VPS45: variants seen among roughly 807,000 people sequenced by gnomAD.
The protein encoded by VPS45 is vacuolar protein sorting-associated protein 45.
Under a neutral mutation model 75.9 loss-of-function variants are expected in VPS45, and 35 were observed. That is an observed-to-expected ratio of 0.46 (90% confidence interval 0.35 to 0.61). The LOEUF (loss-of-function observed/expected upper bound fraction) is 0.61. Ranked by LOEUF, VPS45 falls within the 20% of genes least tolerant of loss-of-function variation. VPS45 has a pLI of 0.00. For missense variants in VPS45, 559 were observed against 685.9 expected, an observed-to-expected ratio of 0.81 and a Z score of 2.07; for synonymous variants, 220 against 238.2, an observed-to-expected ratio of 0.92 and a Z score of 0.70.
chr1:150,132,875 T>C (rs1658900058), intron 14 of VPS45, among the ~76,000 whole-genome samples: 1 of 152,176 alleles, frequency 6.6e-6, no homozygotes. Flanking sequence ...GATGATTAGA[T>C]GATTAATATT....
At chr1:150,117,189 C>T (rs116203299) in intron 14 of VPS45, among the ~76,000 whole-genome samples, 6 of 145,532 alleles carry the variant, frequency 4.1e-5, no homozygotes, top group African/African-American at 7.7e-5. Context: ...CTACAGAGGG[C>T]GACTCCGTCT....
chr1:150,132,419 CA>C (rs1336278323), intron 14 of VPS45, among the ~76,000 whole-genome samples: 1 of 152,040 alleles, frequency 6.6e-6, no homozygotes, highest in Non-Finnish European at 1.5e-5. Context: ...TTTTCATGAT[CA>C]AAAAATATTA....
At chr1:150,075,845 G>A (rs1655342890) in intron 3 of VPS45, among the ~76,000 whole-genome samples, 1 of 151,984 alleles carries the variant, frequency 6.6e-6, no homozygotes, top group East Asian at 1.9e-4. Flanking sequence ...TGCCTCCTGG[G>A]TTCATGCCAT....
intron 10 of VPS45, among the ~76,000 whole-genome samples, chr1:150,087,012 T>C (rs1274707422): frequency 1.3e-5 from 2 of 150,914 alleles, no homozygotes; most frequent in Non-Finnish European, 2.9e-5. Flanking sequence ...CAAGACCAAC[T>C]GTAATCTGTA....
In VPS45 at chr1:150,145,164, A is replaced by C. The variant is rs782759688; in HGVS notation, c.*368A>C. ...CCTTGGCTTCCTTTCTCTTCCCTTA[A>C]CCCTTTCTGCTTTTCATTAACCACA... On this transcript the variant is annotated 3_prime_UTR_variant, in exon 15 of 15. Transcript: ENST00000644510. The C allele has an allele frequency of 2.4e-6, 1 of 415,542 alleles. No individual in the cohort carries two copies. The highest frequency in any genetic ancestry group is 4.3e-6 in the Non-Finnish European group (1 of 230,554). The allele number at this position is 415,542 out of a possible 1,614,324, so 25.7% of individuals were successfully genotyped here.
intron 14 of VPS45, 126 bp from the exon 15 acceptor site, chr1:150,144,583 T>C (rs1659573040): frequency 1.3e-6 from 1 of 779,686 alleles, no homozygotes; most frequent in Non-Finnish European, 2.0e-6. Context: ...TACCCAAATA[T>C]CAGACCAGTA....
intron 13 of VPS45, among the ~76,000 whole-genome samples, chr1:150,095,788 G>A (rs1553802899): frequency 1.3e-5 from 2 of 152,110 alleles, no homozygotes; most frequent in Admixed American, 6.6e-5. Context: ...TGAAAGATAG[G>A]TAGGGTTGGA....
rs1212224931 is a variant in VPS45 at position 150,092,348 on chromosome 1, G to T, written c.1310G>T (p.Ser437Ile). ...TATGGTGGTAAACGAGTCAGAGGAAGTGACCTCTTCAGCCCCAAAGATGCT... is the reference window on the plus strand; with the variant it reads ...TATGGTGGTAAACGAGTCAGAGGAATTGACCTCTTCAGCCCCAAAGATGCT... ...VEYGGKRVRGSDLFSPKDAVA... is the reference protein window; with the variant it reads ...VEYGGKRVRGIDLFSPKDAVA... The change falls in exon 12 of 15, where the codon AGT becomes ATT. Residue 437 changes from serine (S) to isoleucine (I), a missense_variant. Transcript: ENST00000644510. The T allele has an allele frequency of 6.2e-7, 1 of 1,614,158 alleles. No homozygotes were observed. Among genetic ancestry groups the T allele is most frequent in the African/African-American group, 1.3e-5 (1 of 75,046 alleles).
chr1:150,143,588 A>AG (rs1334754999), intron 14 of VPS45, among the ~76,000 whole-genome samples: 1 of 406 alleles, frequency 2.5e-3, no homozygotes, highest in African/African-American at 2.7e-3. Context: ...ACTCCGTCTC[A>AG]AAAAAAAAAA....
upstream of VPS45, chr1:150,067,711 A>G: frequency 5.4e-6 from 4 of 739,228 alleles, no homozygotes; most frequent in East Asian, 1.0e-4. Context: ...CAGCGGAACT[A>G]CAACTCCCAG....
chr1:150,110,679 G>T (rs1331196146), intron 14 of VPS45, 52 bp downstream of exon 14: 1 of 1,511,806 alleles, frequency 6.6e-7, no homozygotes, highest in Non-Finnish European at 8.9e-7. Context: ...AGAGGATAAA[G>T]CTTAAATTCC....
chr1:150,073,290 T>C (rs1369800392), intron 3 of VPS45, among the ~76,000 whole-genome samples: 2 of 152,188 alleles, frequency 1.3e-5, no homozygotes, highest in African/African-American at 4.8e-5. Context: ...CTTAAAGGTA[T>C]TAGAGTTTTA....
rs1553798322 is a variant in VPS45 at position 150,077,227 on chromosome 1, T to C, written c.572T>C (p.Val191Ala). Residue 191 changes from valine (V) to alanine (A), a missense_variant, in exon 6 of 15, where the codon GTT becomes GCT. Val to Ala is a moderately conservative substitution (Grantham distance 64). Transcript: ENST00000644510. ...GCAGCAAAGAGACTTGCAGAGTGCG[T>C]TAAGGTATGGCATTACCTATTCCTG... ...SEAAKRLAEC[V>A]KQVITKEYEL... 6.2e-7 allele frequency: 1 copy of C among 1,612,804 alleles called. No individual in the cohort carries two copies. The highest frequency in any genetic ancestry group is 2.2e-5 in the East Asian group (1 of 44,856).
intron 14 of VPS45, among the ~76,000 whole-genome samples, chr1:150,127,891 A>G (rs1451325374): frequency 6.6e-6 from 1 of 152,246 alleles, no homozygotes; most frequent in African/African-American, 2.4e-5. Context: ...ATTGTAAACC[A>G]AAGCTGGGGA....
chr1:150,096,583 GAGA>G (rs1305982332), intron 13 of VPS45, among the ~76,000 whole-genome samples: 2 of 152,082 alleles, frequency 1.3e-5, no homozygotes, highest in Admixed American at 6.5e-5. Flanking sequence ...ATCTTGAAAA[GAGA>G]AGGAGAAAAA....
chr1:150,128,323 C>T (rs1553811339), intron 14 of VPS45, among the ~76,000 whole-genome samples: 1 of 134,574 alleles, frequency 7.4e-6, no homozygotes, highest in Non-Finnish European at 1.6e-5. Context: ...AGAAAATTAA[C>T]TTGATTAATT....
At chr1:150,076,081 T>TATATATATAA (rs1655363103) in intron 3 of VPS45, 152 bp from the exon 4 acceptor site, 1 of 201,358 alleles carries the variant, frequency 5.0e-6, no homozygotes, top group African/African-American at 2.4e-5. Flanking sequence ...TATATATATA[T>TATATATATAA]ATAAAATTAT....
chr1:150,075,030 G>A (rs1368636015), intron 3 of VPS45, among the ~76,000 whole-genome samples: 10 of 118,614 alleles, frequency 8.4e-5, no homozygotes, highest in Non-Finnish European at 1.3e-4. Context: ...GCATGATCTC[G>A]GCTCACTGTA....
At chr1:150,072,126 A>G (rs782510992) in intron 2 of VPS45, 40 bp from the exon 3 acceptor site, 2 of 1,564,952 alleles carry the variant, frequency 1.3e-6, no homozygotes, top group South Asian at 2.3e-5. Context: ...TCCTTAAGCA[A>G]CTCTCCTCAT....
Sources: allele counts gnomAD v4.1 joint callset (sites outside exome capture counted in the v4.1 genomes callset), GRCh38; gene constraint gnomAD v4.1.1; transcripts MANE v1.5; gene names NCBI Gene and HGNC (gene_info 2026-07-23, HGNC 2026-07-21).